The following STXBP6 variants were observed in gnomAD, a reference collection of about 807,000 sequenced individuals.
The protein encoded by STXBP6 is syntaxin binding protein 6, also known as syntaxin-binding protein 6.
A neutral mutation model predicts 26.9 loss-of-function variants in STXBP6; 21 were observed. That is an observed-to-expected ratio of 0.78 (90% confidence interval 0.55 to 1.12). STXBP6 has a LOEUF of 1.12. STXBP6 is among the 50% of genes most tolerant of loss of function. The pLI, the probability that STXBP6 is intolerant of heterozygous loss-of-function variation, is 0.00. For synonymous variants in STXBP6, 97 were observed against 92.6 expected, an observed-to-expected ratio of 1.05 and a Z score of -0.27; for missense variants, 232 against 257.9, an observed-to-expected ratio of 0.90 and a Z score of 0.69.
intron 2 of STXBP6, among the ~76,000 whole-genome samples, chr14:24,863,113 T>TA (rs1478394936): frequency 6.6e-6 from 1 of 152,156 alleles, no homozygotes; most frequent in Non-Finnish European, 1.5e-5. Context: ...CTTTTTCAAG[T>TA]AAATGACAGG....
intron 4 of STXBP6, among the ~76,000 whole-genome samples, chr14:24,836,910 C>T (rs2068636080): frequency 6.6e-6 from 1 of 152,100 alleles, no homozygotes; most frequent in Admixed American, 6.5e-5. Context: ...CTTGCAGCTG[C>T]AAGCTAAATG....
chr14:25,018,464 T>C (rs2140414498), intron 1 of STXBP6, among the ~76,000 whole-genome samples: 1 of 152,260 alleles, frequency 6.6e-6, no homozygotes, highest in East Asian at 1.9e-4. Context: ...TATAATAAAA[T>C]ATCAGGGGGC....
intron 1 of STXBP6, among the ~76,000 whole-genome samples, chr14:25,026,678 A>G (rs2075355423): frequency 6.6e-6 from 1 of 152,182 alleles, no homozygotes. Context: ...TAACTTTTTC[A>G]CATCCCTTTT....
At chr14:24,958,143 C>A (rs558497057) in intron 2 of STXBP6, among the ~76,000 whole-genome samples, 3 of 152,116 alleles carry the variant, frequency 2.0e-5, no homozygotes, top group Non-Finnish European at 4.4e-5. Flanking sequence ...GGATTCAATG[C>A]GGTTAGGCTA....
chr14:24,925,996 T>C (rs1021631532), intron 2 of STXBP6, among the ~76,000 whole-genome samples: 14 of 152,208 alleles, frequency 9.2e-5, no homozygotes, highest in Non-Finnish European at 1.0e-4. Context: ...CCTGAGTGCA[T>C]TGGATGTAAA....
intron 1 of STXBP6, among the ~76,000 whole-genome samples, chr14:25,003,304 T>C (rs561652018): frequency 6.2e-4 from 95 of 152,336 alleles, no homozygotes; most frequent in African/African-American, 9.6e-5. Context: ...GCAGAGCCTC[T>C]TCCTGTGAAA....
Position 25,049,189 on chromosome 14 carries a change from G to GA in STXBP6, c.-33+688dup, listed in dbSNP as rs1222139074. 2 of 985,348 alleles carry GA rather than the reference G, an allele frequency of 2.0e-6. No individual in the cohort carries two copies. Among genetic ancestry groups the GA allele is most frequent in the Non-Finnish European group, 2.4e-6 (2 of 829,990 alleles). The allele number at this position is 985,348 out of a possible 1,614,324, so 61.0% of individuals were successfully genotyped here. On this transcript the variant is annotated intron_variant, in intron 1 of 5. Coordinates refer to ENST00000323944, the MANE Select transcript of STXBP6 (RefSeq NM_001394410.1). This position sits in a 1 kb window ranked among gnomAD's most constrained non-coding sequence, Gnocchi z 5.6. ...TGTAAACCTGAGGAAAGGTTGGAGG[G>GA]AAAATCAAGCCACCCACCTACTCCA...
chr14:24,940,144 C>A (rs1221950400), intron 2 of STXBP6, among the ~76,000 whole-genome samples: 1 of 152,180 alleles, frequency 6.6e-6, no homozygotes, highest in Non-Finnish European at 1.5e-5. Flanking sequence ...ACTTGCCTGT[C>A]CATCCAGTTG....
intron 2 of STXBP6, among the ~76,000 whole-genome samples, chr14:24,905,678 C>A (rs2071362549): frequency 6.6e-6 from 1 of 152,228 alleles, no homozygotes; most frequent in African/African-American, 2.4e-5. Flanking sequence ...CCTCTCTAAG[C>A]TGGACTCACC....
intron 4 of STXBP6, among the ~76,000 whole-genome samples, chr14:24,822,029 A>T (rs943433000): frequency 6.6e-6 from 1 of 152,010 alleles, no homozygotes; most frequent in Non-Finnish European, 1.5e-5. Context: ...GACTTCCATA[A>T]CCAAATCCTT....
At chr14:24,878,316 C>T (rs1241645) in intron 2 of STXBP6, among the ~76,000 whole-genome samples, 43,902 of 151,934 alleles carry the variant, frequency 0.29, 7,085 homozygotes, top group East Asian at 0.43. Flanking sequence ...AAGAATCTGC[C>T]TTAAAAAATT....
chr14:24,951,048 G>A (rs1280443145), intron 2 of STXBP6, among the ~76,000 whole-genome samples: 3 of 152,010 alleles, frequency 2.0e-5, no homozygotes, highest in Non-Finnish European at 2.9e-5. Context: ...CTTCATCCAC[G>A]TCCCTGCAAA....
intron 2 of STXBP6, among the ~76,000 whole-genome samples, chr14:24,868,052 C>T (rs1304107257): frequency 1.3e-5 from 2 of 151,894 alleles, no homozygotes; most frequent in Non-Finnish European, 2.9e-5. Context: ...CAGGAACCAG[C>T]TGGGTGTGGT....
At chr14:24,917,107 A>G (rs773972764) in intron 2 of STXBP6, among the ~76,000 whole-genome samples, 1 of 152,078 alleles carries the variant, frequency 6.6e-6, no homozygotes, top group African/African-American at 2.4e-5. Flanking sequence ...AGAAAATGCA[A>G]TTGTGTCCCT....
At chr14:24,884,049 T>C (rs1426420071) in intron 2 of STXBP6, among the ~76,000 whole-genome samples, 1 of 152,096 alleles carries the variant, frequency 6.6e-6, no homozygotes, top group African/African-American at 2.4e-5. Context: ...TCATAATCAA[T>C]TTTTAGCATG....
chr14:24,888,082 T>C (rs967900873), intron 2 of STXBP6, among the ~76,000 whole-genome samples: 1 of 152,240 alleles, frequency 6.6e-6, no homozygotes, highest in African/African-American at 2.4e-5. Flanking sequence ...TCATGATTCA[T>C]AGAAAAGGTA....
At position 24,906,069 on chromosome 14, in the gene STXBP6, C is replaced by T. The variant is rs8015740; in HGVS notation, c.155-48912G>A. ...ATCATTTGTTAATGATTTAATTTCC[C>T]TAGGTCAATGCATCTTGATTAAATA... is the stretch of plus-strand genomic sequence containing the variant. On this transcript the variant is annotated intron_variant, in intron 2 of 5. Coordinates refer to ENST00000323944, the MANE Select transcript of STXBP6 (RefSeq NM_001394410.1). 2.5e-3 allele frequency among the ~76,000 whole-genome samples: 381 copies of T among 152,204 alleles called. 1 individual carries two copies. The highest frequency in any genetic ancestry group is 6.2e-3 in the South Asian group (30 of 4,824).
chr14:25,003,819 A>G (rs1338867834), intron 1 of STXBP6, among the ~76,000 whole-genome samples: 1 of 152,234 alleles, frequency 6.6e-6, no homozygotes, highest in Admixed American at 6.5e-5. Flanking sequence ...ACATCACATG[A>G]ATTGACAGCA....
chr14:24,901,356 A>G (rs1321008602), intron 2 of STXBP6, among the ~76,000 whole-genome samples: 1 of 152,184 alleles, frequency 6.6e-6, no homozygotes, highest in African/African-American at 2.4e-5. Flanking sequence ...TCCCCCCCAA[A>G]AAAAGACTGG....
Sources: gnomAD v4.1 joint callset for allele counts (sites outside exome capture counted in the v4.1 genomes callset) on GRCh38, gnomAD v4.1.1 for gene constraint, Gnocchi (gnomAD v3.1) non-coding constraint, MANE v1.5 for transcripts, NCBI Gene and HGNC (gene_info 2026-07-23, HGNC 2026-07-21) for gene names.